Variants in CENPI observed in about 807,000 individuals in gnomAD.
The protein encoded by CENPI is FSH primary response 1.
A neutral mutation model predicts 60.4 loss-of-function variants in CENPI; 4 were observed. The observed-to-expected ratio is 0.07, with a 90% CI of 0.03 to 0.15. The LOEUF is 0.15. Among genes scored for constraint, CENPI ranks in the 10% least tolerant of loss-of-function variants. CENPI has a pLI of 1.00. For synonymous variants in CENPI, 157 were observed against 189.4 expected, an observed-to-expected ratio of 0.83 and a Z score of 1.40; for missense variants, 444 against 534.5, an observed-to-expected ratio of 0.83 and a Z score of 1.67.
Position 101,127,488 on chromosome X carries a change from C to G in CENPI, c.907-10C>G, listed in dbSNP as rs1288377584. 1.7e-6 allele frequency: 2 copies of G among 1,147,204 alleles called. No homozygotes were observed. Among genetic ancestry groups the G allele is most frequent in the African/African-American group, 3.6e-5 (2 of 54,831 alleles). The allele number at this position is 1,147,204 out of a possible 1,213,427, so 94.5% of individuals were successfully genotyped here. Reference sequence around the variant, plus strand: ...GTCCATTGATAGATTATTTTATTATCTTTCTTCAGAAGTGGAATTCTCTCT... The same window carrying G: ...GTCCATTGATAGATTATTTTATTATGTTTCTTCAGAAGTGGAATTCTCTCT... On this transcript the variant is annotated splice_polypyrimidine_tract_variant and intron_variant, in intron 10 of 21. Coordinates refer to ENST00000682095, the MANE Select transcript of CENPI (RefSeq NM_001386188.2).
chrX:101,150,940 T>G (rs2090001709), intron 20 of CENPI, among the ~76,000 whole-genome samples: 1 of 111,607 alleles, frequency 9.0e-6, no homozygotes, highest in South Asian at 3.7e-4. Flanking sequence ...TGTGTGTGTG[T>G]GTGCTTCTTC....
At chrX:101,113,864 G>A (rs2089586247) in intron 6 of CENPI, among the ~76,000 whole-genome samples, 1 of 112,075 alleles carries the variant, frequency 8.9e-6, no homozygotes, top group African/African-American at 3.2e-5. Context: ...ATTTTTTCGG[G>A]ATATTGACAA....
the CENPI span, among the ~76,000 whole-genome samples, chrX:101,175,691 TATGGGGTGC>T: frequency 1.8e-5 from 2 of 111,781 alleles, no homozygotes; most frequent in African/African-American, 3.3e-5. Context: ...TGTACATACT[TATGGGGTGC>T]ATGGGATACA....
intron 8 of CENPI, among the ~76,000 whole-genome samples, chrX:101,125,865 G>T (rs5967248): frequency 0.35 from 38,320 of 110,316 alleles, 5,065 homozygotes; most frequent in Middle Eastern, 0.47. Context: ...AGTTCTAAAG[G>T]CCTCAGCACA....
intron 15 of CENPI, among the ~76,000 whole-genome samples, chrX:101,134,839 C>G (rs1202873679): frequency 6.3e-5 from 7 of 110,666 alleles, no homozygotes; most frequent in African/African-American, 2.3e-4. Context: ...GCCTAGGCAA[C>G]GTGGTGAAAC....
intron 8 of CENPI, 138 bp downstream of exon 8, chrX:101,120,922 CTG>C (rs2089671215): frequency 2.1e-6 from 1 of 466,236 alleles, no homozygotes; most frequent in Admixed American, 3.2e-5. Flanking sequence ...GTTGCCCAGA[CTG>C]GAGTGCAGTG....
intron 20 of CENPI, among the ~76,000 whole-genome samples, chrX:101,156,760 T>C (rs921848774): frequency 9.1e-6 from 1 of 109,921 alleles, no homozygotes; most frequent in Non-Finnish European, 1.9e-5. Flanking sequence ...GTTTTTTTTT[T>C]CATTCCTGAG....
intron 6 of CENPI, among the ~76,000 whole-genome samples, chrX:101,119,396 T>A (rs1375791621): frequency 9.0e-6 from 1 of 111,696 alleles, no homozygotes; most frequent in East Asian, 2.8e-4. Flanking sequence ...TTTTTTCACT[T>A]TCCTATTATT....
intron 6 of CENPI, among the ~76,000 whole-genome samples, chrX:101,119,489 A>G (rs759127074): frequency 8.9e-6 from 1 of 111,983 alleles, no homozygotes; most frequent in Admixed American, 9.6e-5. Context: ...CTCTGTCACA[A>G]CTATTCAACT....
At chrX:101,108,242 T>G (rs187039166) in intron 4 of CENPI, among the ~76,000 whole-genome samples, 160 of 111,133 alleles carry the variant, frequency 1.4e-3, no homozygotes, top group African/African-American at 4.9e-3. Flanking sequence ...ATCTGGCTAA[T>G]TTTTATATTT....
chrX:101,143,189 T>C (rs1416579548), intron 16 of CENPI, among the ~76,000 whole-genome samples: 6 of 110,334 alleles, frequency 5.4e-5, no homozygotes, highest in African/African-American at 1.6e-4. Context: ...AGTATCATGG[T>C]GGTGGGCAGT....
At chrX:101,146,122 T>C (rs1351074206) in intron 17 of CENPI, 31 bp from the exon 18 acceptor site, 1 of 1,174,888 alleles carries the variant, frequency 8.5e-7, no homozygotes, top group Middle Eastern at 2.4e-4. Context: ...GGGAATACTC[T>C]GTATACTGAT....
At chrX:101,126,840 A>G (rs371168335) in intron 9 of CENPI, 42 bp downstream of exon 9, 2 of 1,047,160 alleles carry the variant, frequency 1.9e-6, no homozygotes, top group African/African-American at 3.7e-5. Flanking sequence ...AGATTGAAAT[A>G]TGTTATTTTT....
intron 20 of CENPI, among the ~76,000 whole-genome samples, chrX:101,158,823 G>T (rs2090078757): frequency 9.1e-6 from 1 of 110,033 alleles, no homozygotes; most frequent in Non-Finnish European, 1.9e-5. Context: ...TAGGGACGGG[G>T]TTTCGCCATG....
intron 20 of CENPI, among the ~76,000 whole-genome samples, chrX:101,150,233 T>G (rs2089995282): frequency 9.4e-6 from 1 of 106,634 alleles, no homozygotes. Context: ...CTAGATGAAA[T>G]TTTAAATGTT....
At chrX:101,156,149 A>T (rs1171474061) in intron 20 of CENPI, among the ~76,000 whole-genome samples, 1 of 110,505 alleles carries the variant, frequency 9.0e-6, no homozygotes, top group Non-Finnish European at 1.9e-5. Flanking sequence ...AGTAGCTGGG[A>T]TTACAGGCAC....
chrX:101,113,011 C>T (rs771586072), intron 6 of CENPI, among the ~76,000 whole-genome samples: 4 of 107,329 alleles, frequency 3.7e-5, no homozygotes, highest in South Asian at 4.1e-4. Context: ...TTGGATTGAC[C>T]GTAGTTTCTT....
chrX:101,170,100 C>G (rs1281654691), downstream of CENPI, among the ~76,000 whole-genome samples: 1 of 111,868 alleles, frequency 8.9e-6, no homozygotes, highest in East Asian at 2.8e-4. Flanking sequence ...TAGGCCTTCA[C>G]AGTCACTCAC....
chrX:101,148,606 G>A (rs1468269264), intron 20 of CENPI, among the ~76,000 whole-genome samples: 1 of 111,943 alleles, frequency 8.9e-6, no homozygotes, highest in Non-Finnish European at 1.9e-5. Context: ...CTGATTTAAT[G>A]GATTGATATC....
Sources: allele counts gnomAD v4.1 joint callset (sites outside exome capture counted in the v4.1 genomes callset), GRCh38; gene constraint gnomAD v4.1.1; transcripts MANE v1.5; gene names NCBI Gene and HGNC (gene_info 2026-07-23, HGNC 2026-07-21).